The following TMEM117 variants were observed in gnomAD, a reference collection of about 807,000 sequenced individuals.
The protein encoded by TMEM117 is transmembrane protein 117.
A neutral mutation model predicts 52.4 loss-of-function variants in TMEM117; 27 were observed. The ratio of observed to expected loss-of-function variants is 0.51; its 90% confidence interval spans 0.38 to 0.71. The LOEUF (loss-of-function observed/expected upper bound fraction) is 0.71. TMEM117 is among the 30% of genes least tolerant of loss of function. The pLI is 0.00. For missense variants in TMEM117, 556 were observed against 630.5 expected (o/e 0.88, Z 1.26); for synonymous variants, 215 against 206.3 (o/e 1.04, Z -0.36).
intron 2 of TMEM117, among the ~76,000 whole-genome samples, chr12:43,905,304 TG>T (rs1422614541): frequency 6.6e-6 from 1 of 152,184 alleles, no homozygotes; most frequent in Non-Finnish European, 1.5e-5. Flanking sequence ...CTAGAATACT[TG>T]AGTATTCTTT....
chr12:44,283,949 C>T (rs1174783339), intron 5 of TMEM117, among the ~76,000 whole-genome samples: 2 of 152,088 alleles, frequency 1.3e-5, no homozygotes, highest in Non-Finnish European at 2.9e-5. Context: ...ATATGTCTCA[C>T]GAGATCTGAT....
intron 3 of TMEM117, among the ~76,000 whole-genome samples, chr12:43,984,041 T>C (rs1945805369): frequency 6.6e-6 from 1 of 152,110 alleles, no homozygotes; most frequent in African/African-American, 2.4e-5. Context: ...CATAAGCATG[T>C]GAAACCAGAA....
At chr12:44,300,447 T>G (rs886216684) in intron 6 of TMEM117, among the ~76,000 whole-genome samples, 44 of 152,242 alleles carry the variant, frequency 2.9e-4, no homozygotes, top group African/African-American at 9.1e-4. Flanking sequence ...ATAAGGCAAT[T>G]TTTTTCCCTC....
intron 5 of TMEM117, among the ~76,000 whole-genome samples, chr12:44,227,638 T>G (rs899307784): frequency 6.6e-6 from 1 of 152,120 alleles, no homozygotes; most frequent in Non-Finnish European, 1.5e-5. Flanking sequence ...ATTTGAACAA[T>G]AATTTTATTT....
intron 3 of TMEM117, among the ~76,000 whole-genome samples, chr12:44,061,381 T>C (rs1052884693): frequency 6.6e-6 from 1 of 152,178 alleles, no homozygotes; most frequent in Admixed American, 6.6e-5. Flanking sequence ...AGCTGAGCTA[T>C]GTTTTATATG....
chr12:44,091,337 G>A (rs1209300294), intron 3 of TMEM117, among the ~76,000 whole-genome samples: 1 of 152,162 alleles, frequency 6.6e-6, no homozygotes, highest in Non-Finnish European at 1.5e-5. Context: ...TGAGGATACA[G>A]CCAAACCATA....
chr12:43,905,052 A>T (rs1944362568), intron 2 of TMEM117, among the ~76,000 whole-genome samples: 1 of 152,084 alleles, frequency 6.6e-6, no homozygotes, highest in Non-Finnish European at 1.5e-5. Flanking sequence ...CTGAGGCAGG[A>T]GGATTGCTTG....
chr12:43,797,815 C>A, the TMEM117 span: 1 of 1,613,280 alleles, frequency 6.2e-7, no homozygotes, highest in Non-Finnish European at 8.5e-7. Context: ...TTAGTGTCCA[C>A]ACCCACGTCA....
intron 3 of TMEM117, among the ~76,000 whole-genome samples, chr12:44,079,355 C>T (rs1314760082): frequency 2.0e-5 from 3 of 152,118 alleles, no homozygotes; most frequent in African/African-American, 7.2e-5. Context: ...CCTATTTCTC[C>T]ACATCCTCTC....
intron 3 of TMEM117, among the ~76,000 whole-genome samples, chr12:43,974,360 T>C (rs1278534697): frequency 6.6e-6 from 1 of 152,156 alleles, no homozygotes; most frequent in Non-Finnish European, 1.5e-5. Flanking sequence ...AAAATCTGAC[T>C]TTATTCAGAA....
intron 4 of TMEM117, among the ~76,000 whole-genome samples, chr12:44,176,622 A>G (rs956417844): frequency 3.3e-5 from 5 of 152,194 alleles, no homozygotes; most frequent in African/African-American, 1.2e-4. Context: ...AACTTAACCT[A>G]GAGTCCAAGG....
At chr12:44,104,246 A>G (rs1947914253) in intron 3 of TMEM117, among the ~76,000 whole-genome samples, 1 of 152,054 alleles carries the variant, frequency 6.6e-6, no homozygotes. Context: ...ATATAAGGTC[A>G]TTTAAATTAT....
chr12:44,016,175 C>G (rs1175065496), intron 3 of TMEM117, among the ~76,000 whole-genome samples: 1 of 152,152 alleles, frequency 6.6e-6, no homozygotes, highest in Non-Finnish European at 1.5e-5. Flanking sequence ...GTTCTTATGT[C>G]CACTACCTCT....
At position 43,951,677 on chromosome 12, in the gene TMEM117, G is replaced by A. The variant is rs190035143; in HGVS notation, c.410+7335G>A. Among the ~76,000 whole-genome samples, 695 of 152,234 alleles carry A rather than the reference G, an allele frequency of 4.6e-3. 6 individuals carry two copies. The highest frequency in any genetic ancestry group is 0.015 in the African/African-American group (635 of 41,544). ...AGAGCACCTGTGGGGAGGGGTGGCC[G>A]TGGTCTCAGGTTCAGCGGGCTTAAT... On this transcript the variant is annotated intron_variant, in intron 3 of 7. Transcript: ENST00000266534.
chr12:44,087,009 T>A (rs894545641), intron 3 of TMEM117, among the ~76,000 whole-genome samples: 86 of 144,930 alleles, frequency 5.9e-4, no homozygotes, highest in African/African-American at 1.8e-3. Context: ...AAATTATGTA[T>A]TATATAATTA....
intron 3 of TMEM117, among the ~76,000 whole-genome samples, chr12:44,045,298 C>G (rs1381900007): frequency 6.6e-6 from 1 of 152,150 alleles, no homozygotes; most frequent in African/African-American, 2.4e-5. Flanking sequence ...AACACTGAGC[C>G]CTTGATATGG....
intron 7 of TMEM117, among the ~76,000 whole-genome samples, chr12:44,379,457 A>G (rs1464717095): frequency 6.6e-6 from 1 of 152,218 alleles, no homozygotes; most frequent in East Asian, 1.9e-4. Context: ...GTTCACATGC[A>G]TCCACATAGC....
chr12:43,993,179 G>T (rs951547977), intron 3 of TMEM117, among the ~76,000 whole-genome samples: 2 of 152,174 alleles, frequency 1.3e-5, no homozygotes, highest in African/African-American at 2.4e-5. Flanking sequence ...GCATCAGTTA[G>T]ACAAACTGTA....
At chr12:44,216,005 C>CTTTCTTTTTTT (rs1555136266) in intron 5 of TMEM117, among the ~76,000 whole-genome samples, 1 of 110,840 alleles carries the variant, frequency 9.0e-6, no homozygotes, top group African/African-American at 3.9e-5. Context: ...TTCTTTCTTT[C>CTTTCTTTTTTT]TTTTTTTTTT....
Sources: allele counts gnomAD v4.1 joint callset (sites outside exome capture counted in the v4.1 genomes callset), GRCh38; gene constraint gnomAD v4.1.1; transcripts MANE v1.5; gene names NCBI Gene and HGNC (gene_info 2026-07-23, HGNC 2026-07-21).